PELI2: variants seen among roughly 807,000 people sequenced by gnomAD.
PELI2 encodes E3 ubiquitin-protein ligase pellino homolog 2.
PELI2 carries 23 observed loss-of-function variants against 42.3 expected under a neutral mutation model. The ratio of observed to expected loss-of-function variants is 0.54; its 90% CI spans 0.39 to 0.77. PELI2 has a LOEUF of 0.77. PELI2 is among the 30% of genes least tolerant of loss of function. The pLI, the probability that PELI2 is intolerant of heterozygous loss-of-function variation, is 0.00. For synonymous variants in PELI2, 245 were observed against 212.2 expected, an observed-to-expected ratio of 1.15 and a Z score of -1.34; for missense variants, 463 against 553.2, an observed-to-expected ratio of 0.84 and a Z score of 1.64.
chr14:56,191,962 C>T lies in PELI2; in HGVS notation c.207+13498C>T, dbSNP rs551421181. Among the ~76,000 whole-genome samples the T allele has an allele frequency of 9.9e-5, 15 of 152,252 alleles. No individual in the cohort carries two copies. In the South Asian group the frequency reaches 3.1e-3, roughly 32 times the overall value. ...CTCTGTCACCCAGGGTCAAGTGATT[C>T]TTCTGCCTCAGCCTCCCAAGTAGCT... is the stretch of plus-strand genomic sequence containing the variant. On this transcript the variant is annotated intron_variant, in intron 2 of 5. Coordinates refer to ENST00000267460, the MANE Select transcript of PELI2 (RefSeq NM_021255.3).
intron 5 of PELI2, chr14:56,292,884 T>G (rs1443434731): frequency 1.1e-6 from 1 of 895,584 alleles, no homozygotes; most frequent in Non-Finnish European, 1.3e-6. Context: ...ATTTATAATA[T>G]TACTCCAGGA....
chr14:56,249,399 G>T (rs1292293146), intron 2 of PELI2, among the ~76,000 whole-genome samples: 2 of 152,112 alleles, frequency 1.3e-5, no homozygotes, highest in Non-Finnish European at 2.9e-5. Context: ...ACATCAGTGT[G>T]AAAGCCTCTC....
intron 1 of PELI2, among the ~76,000 whole-genome samples, chr14:56,125,078 AAACTGAGGCT>A (rs1883202232): frequency 6.6e-6 from 1 of 152,164 alleles, no homozygotes; most frequent in South Asian, 2.1e-4. Flanking sequence ...TTGGAAGGAG[AAACTGAGGCT>A]GCAGCCCAAC....
chr14:56,118,609 C>CGCGGCGGAGGCGGCG lies in PELI2; in HGVS notation c.-48_-34dup. ...GCGGCGGCGCGGACTCGGCGGGGAT[C>CGCGGCGGAGGCGGCG]GCGGCGGAGGCGGCGGCGTCGGCGG... is the stretch of plus-strand genomic sequence containing the variant. On this transcript the variant is annotated 5_prime_UTR_variant, in exon 1 of 6. Coordinates refer to ENST00000267460, the MANE Select transcript of PELI2 (RefSeq NM_021255.3). 8.4e-7 allele frequency: 1 copy of CGCGGCGGAGGCGGCG among 1,183,974 alleles called. No individual in the cohort carries two copies. Among genetic ancestry groups the CGCGGCGGAGGCGGCG allele is most frequent in the Non-Finnish European group, 1.1e-6 (1 of 904,234 alleles). 73.3% of individuals were successfully genotyped at this position (1,183,974 alleles called of 1,614,324 possible).
rs1204058021 is a variant in PELI2 at position 56,181,229 on chromosome 14, C to CT, written c.207+2767dup. On this transcript the variant is annotated intron_variant, in intron 2 of 5. Coordinates refer to ENST00000267460, the MANE Select transcript of PELI2 (RefSeq NM_021255.3). ...TCTGTTTGCCACGGTTATTGGCCCA[C>CT]TTGGCCTCTCCAGGTATATCTTAAT... Among the ~76,000 whole-genome samples the CT allele has an allele frequency of 2.0e-5, 3 of 152,094 alleles. No homozygotes were observed. In the East Asian group the frequency reaches 5.8e-4, roughly 29 times the overall value.
At chr14:56,199,740 AAT>A (rs1357123553) in intron 2 of PELI2, among the ~76,000 whole-genome samples, 1 of 152,218 alleles carries the variant, frequency 6.6e-6, no homozygotes, top group African/African-American at 2.4e-5. Flanking sequence ...AAAATCTGTA[AAT>A]ATGTATGATA....
chr14:56,210,303 C>CAAAAAA, intron 2 of PELI2, among the ~76,000 whole-genome samples: 1 of 152,262 alleles, frequency 6.6e-6, no homozygotes, highest in South Asian at 2.1e-4. Flanking sequence ...TAGTAATTAA[C>CAAAAAA]AAAAGCAACT....
rs117018565 is a variant in PELI2, at chr14:56,244,965, T to G, written c.208-34711T>G. Among the ~76,000 whole-genome samples the G allele has an allele frequency of 7.1e-3, 1,085 of 152,342 alleles. 4 individuals are homozygous for G. Among genetic ancestry groups the G allele is most frequent in the Non-Finnish European group, 0.011 (716 of 68,026 alleles). On this transcript the variant is annotated intron_variant, in intron 2 of 5. Coordinates refer to ENST00000267460, the MANE Select transcript of PELI2 (RefSeq NM_021255.3). ...CTGCTGAGACTGGATCACTAAGATC[T>G]GACTGTTTACTAGCATGTATGATTT...
At chr14:56,142,511 G>A (rs1883950077) in intron 1 of PELI2, among the ~76,000 whole-genome samples, 1 of 152,170 alleles carries the variant, frequency 6.6e-6, no homozygotes, top group African/African-American at 2.4e-5. Context: ...TAGTAGAAAT[G>A]TACTAAACAA....
chr14:56,278,863 T>C (rs1190838958), intron 2 of PELI2, among the ~76,000 whole-genome samples: 2 of 152,178 alleles, frequency 1.3e-5, no homozygotes, highest in African/African-American at 4.8e-5. Context: ...TAAGTTAGAT[T>C]GAAGTAGAAT....
At chr14:56,157,538 C>CA (rs1461411253) in intron 1 of PELI2, among the ~76,000 whole-genome samples, 1 of 152,058 alleles carries the variant, frequency 6.6e-6, no homozygotes, top group East Asian at 1.9e-4. Flanking sequence ...CACTCCCCCC[C>CA]AAAAAAAATC....
intron 1 of PELI2, among the ~76,000 whole-genome samples, chr14:56,123,763 A>G (rs564907457): frequency 2.2e-4 from 34 of 152,354 alleles, no homozygotes; most frequent in African/African-American, 8.2e-4. Context: ...AATTTTACCA[A>G]ACATTTTATC....
At chr14:56,266,483 A>C (rs993175355) in intron 2 of PELI2, among the ~76,000 whole-genome samples, 1 of 152,078 alleles carries the variant, frequency 6.6e-6, no homozygotes, top group African/African-American at 2.4e-5. Flanking sequence ...ATAACTCTTA[A>C]GCATTCTTAA....
chr14:56,235,373 A>G (rs1315181965), intron 2 of PELI2, among the ~76,000 whole-genome samples: 2 of 152,354 alleles, frequency 1.3e-5, no homozygotes, highest in South Asian at 2.1e-4. Context: ...GAAAATGCAC[A>G]TTGTACTTAA....
intron 2 of PELI2, among the ~76,000 whole-genome samples, chr14:56,234,153 G>A (rs914947408): frequency 6.6e-6 from 1 of 152,162 alleles, no homozygotes; most frequent in Non-Finnish European, 1.5e-5. Context: ...ACTGTTGGTG[G>A]GACTGTAAAC....
intron 2 of PELI2, among the ~76,000 whole-genome samples, chr14:56,250,065 A>G (rs1269754849): frequency 6.6e-6 from 1 of 152,064 alleles, no homozygotes; most frequent in African/African-American, 2.4e-5. Context: ...CTTACTGAGG[A>G]TGCTCCAAAT....
intron 2 of PELI2, among the ~76,000 whole-genome samples, chr14:56,194,921 C>T (rs948743630): frequency 3.9e-5 from 6 of 152,140 alleles, no homozygotes; most frequent in Admixed American, 3.9e-4. Flanking sequence ...AGTGTTGATG[C>T]TTTGGATTCA....
chr14:56,144,430 C>T (rs918547358), intron 1 of PELI2, among the ~76,000 whole-genome samples: 4 of 152,192 alleles, frequency 2.6e-5, no homozygotes, highest in Admixed American at 2.0e-4. Context: ...CAGAGTTCTG[C>T]TCCTAAGCCT....
rs142862600 is a variant in PELI2 at position 56,200,561 on chromosome 14, C to G, written c.207+22097C>G. 3.5e-3 allele frequency among the ~76,000 whole-genome samples: 529 copies of G among 152,336 alleles called. 2 individuals carry two copies. Among genetic ancestry groups the G allele is most frequent in the Non-Finnish European group, 6.0e-3 (410 of 68,032 alleles). Reference sequence around the variant, plus strand: ...AATGACGACCAAGAAGGAAGGAAATCTCACTAAAGGGCTGGTAAAATAATC... The same window carrying G: ...AATGACGACCAAGAAGGAAGGAAATGTCACTAAAGGGCTGGTAAAATAATC... On this transcript the variant is annotated intron_variant, in intron 2 of 5. Coordinates refer to ENST00000267460, the MANE Select transcript of PELI2 (RefSeq NM_021255.3).
Sources: gnomAD v4.1 joint callset for allele counts (sites outside exome capture counted in the v4.1 genomes callset) on GRCh38, gnomAD v4.1.1 for gene constraint, MANE v1.5 for transcripts, NCBI Gene and HGNC (gene_info 2026-07-23, HGNC 2026-07-21) for gene names.